The following PCDHGB5 variants were observed in gnomAD, a reference collection of about 807,000 sequenced individuals.
The protein encoded by PCDHGB5 is protocadherin gamma-B5.
Under a neutral mutation model 62.9 loss-of-function variants are expected in PCDHGB5, and 48 were observed. The observed-to-expected ratio is 0.76, with a 90% CI of 0.61 to 0.97. The LOEUF is 0.97. Among genes scored for constraint, PCDHGB5 ranks in the 50% least tolerant of loss-of-function variants. The pLI is 0.00. For synonymous variants in PCDHGB5, 474 were observed against 511.2 expected (o/e 0.93, Z 0.98); for missense variants, 1,118 against 1,198.6 (o/e 0.93, Z 0.99).
Position 141,412,979 on chromosome 5 carries a change from C to G in PCDHGB5, c.2397+12455C>G, listed in dbSNP as rs2154544283. ...CACCTACTAGGAGAGAAAACGCAGCCAGAGCTCAATCCGGATTCTCAGGGC... is the reference window on the plus strand; with the variant it reads ...CACCTACTAGGAGAGAAAACGCAGCGAGAGCTCAATCCGGATTCTCAGGGC... On this transcript the variant is annotated intron_variant, in intron 1 of 3. Coordinates refer to ENST00000617380, the MANE Select transcript of PCDHGB5 (RefSeq NM_018925.3). 5.5e-6 allele frequency: 3 copies of G among 542,930 alleles called. No individual in the cohort carries two copies. In the East Asian group the frequency reaches 9.2e-5, roughly 17 times the overall value. 33.6% of individuals were successfully genotyped at this position (542,930 alleles called of 1,614,324 possible). A position where few individuals can be genotyped will look rare whatever the true frequency, so the allele number is the denominator to read the frequency against.
chr5:141,494,818 C>T lies in PCDHGB5; in HGVS notation c.2409C>T (p.Pro803=). The part of the protein sequence containing the change: ...STSHPELQAP[P]NTDWRFSQAQ... ...TGTTTTCTCCACAGCAAGCCCCGCCCAACACGGACTGGCGTTTCTCTCAGG... is the reference window on the plus strand; with the variant it reads ...TGTTTTCTCCACAGCAAGCCCCGCCTAACACGGACTGGCGTTTCTCTCAGG... Residue 803 remains proline (P), a synonymous_variant, in exon 2 of 4, where the codon CCC becomes CCT. Transcript: ENST00000617380. 1.9e-6 allele frequency: 3 copies of T among 1,614,152 alleles called. No homozygotes were observed. The highest frequency in any genetic ancestry group is 2.2e-5 in the South Asian group (2 of 91,074).
chr5:141,487,323 G>A lies in PCDHGB5; in HGVS notation c.2398-7484G>A, dbSNP rs374901235. Reference sequence around the variant, plus strand: ...GTGGCACTACTCTCTAAGTGTCTTCGTGGGGCAGCCTGTGGAGTCACATGC... The same window carrying A: ...GTGGCACTACTCTCTAAGTGTCTTCATGGGGCAGCCTGTGGAGTCACATGC... On this transcript the variant is annotated intron_variant, in intron 1 of 3. Coordinates refer to ENST00000617380, the MANE Select transcript of PCDHGB5 (RefSeq NM_018925.3). The surrounding 1 kb of genome is among the most constrained non-coding windows in gnomAD (Gnocchi z 5.0). 4.0e-5 allele frequency: 65 copies of A among 1,613,982 alleles called. No homozygotes were observed. Among genetic ancestry groups the A allele is most frequent in the Non-Finnish European group, 4.7e-5 (56 of 1,180,012 alleles).
rs574278907 is a variant in PCDHGB5 at position 141,400,099 on chromosome 5, T to G, written c.1972T>G (p.Leu658Val). 6.2e-7 allele frequency: 1 copy of G among 1,614,072 alleles called. No individual in the cohort carries two copies. The highest frequency in any genetic ancestry group is 1.3e-5 in the African/African-American group (1 of 75,066). The change falls in exon 1 of 4, where the codon TTG becomes GTG. Residue 658 changes from leucine to valine, a missense_variant. This residue lies in a region of PCDHGB5 where 1,034 missense variants were observed against 1,029.1 expected (regional missense o/e 1.00). Transcript: ENST00000617380. ...ACTCTCCGCCACCGCCACGCTGCAC[T>G]TGGTCTTTGCTGACAGCTTGCAGGA... ...PPLSATATLHLVFADSLQEVL... is the reference protein window; with the variant it reads ...PPLSATATLHVVFADSLQEVL...
Position 141,477,531 on chromosome 5 carries a change from C to G in PCDHGB5, c.2398-17276C>G. ...GTTTACATTGAAGAAAACAACCTCC[C>G]CGGGGCTCCAATACTAAACCTAAGT... On this transcript the variant is annotated intron_variant, in intron 1 of 3. Coordinates refer to ENST00000617380, the MANE Select transcript of PCDHGB5 (RefSeq NM_018925.3). This position sits in a 1 kb window ranked among gnomAD's most constrained non-coding sequence, Gnocchi z 4.9. The G allele has an allele frequency of 6.2e-7, 1 of 1,614,162 alleles. No homozygotes were observed. Among genetic ancestry groups the G allele is most frequent in the South Asian group, 1.1e-5 (1 of 91,086 alleles).
At chr5:141,423,744 A>G in intron 1 of PCDHGB5, 1 of 429,464 alleles carries the variant, frequency 2.3e-6, no homozygotes. Context: ...TGTTATGAAA[A>G]CTGTTTGGGG....
In PCDHGB5 at chr5:141,431,889, A is replaced by G; in HGVS notation, c.2397+31365A>G. 1 of 1,614,170 alleles carries G rather than the reference A, an allele frequency of 6.2e-7. No homozygotes were observed. The highest frequency in any genetic ancestry group is 2.2e-5 in the East Asian group (1 of 44,888). On this transcript the variant is annotated intron_variant, in intron 1 of 3. Transcript: ENST00000617380. The surrounding 1 kb of genome is among the most constrained non-coding windows in gnomAD (Gnocchi z 4.8). The stretch of plus-strand genomic sequence containing the variant: ...TTAAATGTAAATGACCAAGATTCTG[A>G]GGAAAACGGACAGGTGATCTGTTTC...
Position 141,511,380 on chromosome 5 carries a change from C to T in PCDHGB5, c.*207C>T, listed in dbSNP as rs896762148. 1.5e-5 allele frequency: 18 copies of T among 1,170,372 alleles called. No homozygotes were observed. The highest frequency in any genetic ancestry group is 3.0e-4 in the Middle Eastern group (1 of 3,384). 72.5% of individuals were successfully genotyped at this position (1,170,372 alleles called of 1,614,324 possible). ...GGGGTTGAATATGCAAAAGCAGTTC[C>T]GCTGGGAACCCCCATCCAATCAACT... is the stretch of plus-strand genomic sequence containing the variant. On this transcript the variant is annotated 3_prime_UTR_variant, in exon 4 of 4. Coordinates refer to ENST00000617380, the MANE Select transcript of PCDHGB5 (RefSeq NM_018925.3).
chr5:141,400,117 T>C lies in PCDHGB5; in HGVS notation c.1990T>C (p.Leu664=), dbSNP rs2093964744. 1.2e-6 allele frequency: 2 copies of C among 1,614,050 alleles called. No individual in the cohort carries two copies. The highest frequency in any genetic ancestry group is 1.7e-6 in the Non-Finnish European group (2 of 1,179,888). Residue 664 remains leucine (L), a synonymous_variant, in exon 1 of 4, where the codon TTG becomes CTG. Transcript: ENST00000617380. ...GCTGCACTTGGTCTTTGCTGACAGCTTGCAGGAGGTGCTGCCGGATATCAC... is the reference window on the plus strand; with the variant it reads ...GCTGCACTTGGTCTTTGCTGACAGCCTGCAGGAGGTGCTGCCGGATATCAC... ...ATLHLVFADS[L]QEVLPDITDR...
rs918358571 is a variant in PCDHGB5, at chr5:141,399,927, G to A, written c.1800G>A (p.Leu600=). The A allele has an allele frequency of 4.3e-6, 7 of 1,612,226 alleles. No homozygotes were observed. Among genetic ancestry groups the A allele is most frequent in the Non-Finnish European group, 5.1e-6 (6 of 1,179,748 alleles). The change falls in exon 1 of 4, where the codon CTG becomes CTA. Residue 600 remains leucine, a synonymous_variant. Transcript: ENST00000617380. ...CAGACTCAGGACACAACGCCTGGCTGTCCTACCACGTGCTGCAGGCTAGCG... is the reference window on the plus strand; with the variant it reads ...CAGACTCAGGACACAACGCCTGGCTATCCTACCACGTGCTGCAGGCTAGCG... ...VDADSGHNAW[L]SYHVLQASEP...
Position 141,485,625 on chromosome 5 carries a change from G to T in PCDHGB5, c.2398-9182G>T. 6.2e-7 allele frequency: 1 copy of T among 1,611,968 alleles called. No individual in the cohort carries two copies. On this transcript the variant is annotated intron_variant, in intron 1 of 3. Transcript: ENST00000617380. This position sits in a 1 kb window ranked among gnomAD's most constrained non-coding sequence, Gnocchi z 5.7. ...GGGGAGGCAGCTCCTCCAGGACAGC[G>T]TTTCCCGTTGGAAAAGGCTCAGGAT...
rs775055352 is a variant in PCDHGB5, at chr5:141,398,766, T to C, written c.639T>C (p.Thr213=). 10 of 1,613,844 alleles carry C rather than the reference T, an allele frequency of 6.2e-6. No individual in the cohort carries two copies. Among genetic ancestry groups the C allele is most frequent in the Non-Finnish European group, 7.6e-6 (9 of 1,179,908 alleles). Residue 213 remains threonine (T), a synonymous_variant, in exon 1 of 4, where the codon ACT becomes ACC. Coordinates refer to ENST00000617380, the MANE Select transcript of PCDHGB5 (RefSeq NM_018925.3). ...EQQSYHRLVL[T]ALDGGHPPLS... is the part of the protein sequence containing the mutation. ...AGAGTTACCATCGTTTAGTCCTGAC[T>C]GCCTTGGACGGTGGACATCCACCCC...
At chr5:141,462,152 G>C (rs1336635196) in intron 1 of PCDHGB5, among the ~76,000 whole-genome samples, 6 of 152,034 alleles carry the variant, frequency 3.9e-5, no homozygotes, top group African/African-American at 7.2e-5. Flanking sequence ...TAGAGATGGG[G>C]TTTCATCATG....
intron 3 of PCDHGB5, among the ~76,000 whole-genome samples, chr5:141,507,891 C>A (rs1031803854): frequency 6.6e-6 from 1 of 152,208 alleles, no homozygotes; most frequent in African/African-American, 2.4e-5. Flanking sequence ...AGAGAGGTTC[C>A]TGAAGTCCAG....
In PCDHGB5 at chr5:141,432,293, G is replaced by C. The variant is rs765631138; in HGVS notation, c.2397+31769G>C. Reference sequence around the variant, plus strand: ...CTACGTGTCCATCAACTCCGACACTGGGGTACTGTATGCGCTGAGCTCCTT... The same window carrying C: ...CTACGTGTCCATCAACTCCGACACTCGGGTACTGTATGCGCTGAGCTCCTT... On this transcript the variant is annotated intron_variant, in intron 1 of 3. Coordinates refer to ENST00000617380, the MANE Select transcript of PCDHGB5 (RefSeq NM_018925.3). This position sits in a 1 kb window ranked among gnomAD's most constrained non-coding sequence, Gnocchi z 6.0. 6.2e-7 allele frequency: 1 copy of C among 1,614,254 alleles called. No individual in the cohort carries two copies.
chr5:141,408,937 C>T (rs2095198483), intron 1 of PCDHGB5: 5 of 1,613,344 alleles, frequency 3.1e-6, no homozygotes, highest in African/African-American at 1.3e-5. Flanking sequence ...TCAGCAGAGA[C>T]GAATATAGAA....
Position 141,486,929 on chromosome 5 carries a change from G to A in PCDHGB5, c.2398-7878G>A. 2.5e-6 allele frequency: 4 copies of A among 1,614,226 alleles called. No individual in the cohort carries two copies. Among genetic ancestry groups the A allele is most frequent in the Non-Finnish European group, 2.5e-6 (3 of 1,180,038 alleles). ...CCAAGCACTGCCTCCATCAGTTGGT[G>A]CTGGCCACCTAATCACAAAGGTGAC... On this transcript the variant is annotated intron_variant, in intron 1 of 3. Transcript: ENST00000617380. This position sits in a 1 kb window ranked among gnomAD's most constrained non-coding sequence, Gnocchi z 5.0.
Position 141,450,631 on chromosome 5 carries a change from T to C in PCDHGB5, c.2398-44176T>C, listed in dbSNP as rs554043866. 6.1e-5 allele frequency among the ~76,000 whole-genome samples: 9 copies of C among 148,320 alleles called. No homozygotes were observed. In the East Asian group the frequency reaches 1.9e-3, roughly 31 times the overall value. Reference sequence around the variant, plus strand: ...CCTCCTGAGTAGCTGGGATTACAGATGCCTGCCACCATGCCTGGCTAATTT... The same window carrying C: ...CCTCCTGAGTAGCTGGGATTACAGACGCCTGCCACCATGCCTGGCTAATTT... On this transcript the variant is annotated intron_variant, in intron 1 of 3. Transcript: ENST00000617380.
At chr5:141,408,927 T>C (rs1220361067) in intron 1 of PCDHGB5, 5 of 1,613,512 alleles carry the variant, frequency 3.1e-6, no homozygotes, top group African/African-American at 1.3e-5. Context: ...CCCCCGGTTT[T>C]CAGCAGAGAC....
chr5:141,401,654 G>T (rs566223613), intron 1 of PCDHGB5, among the ~76,000 whole-genome samples: 52 of 152,328 alleles, frequency 3.4e-4, no homozygotes, highest in Middle Eastern at 3.4e-3. Flanking sequence ...TAAATGACTG[G>T]ATGTTTTCTC....
Sources: gnomAD v4.1 joint callset for allele counts (sites outside exome capture counted in the v4.1 genomes callset) on GRCh38, gnomAD v4.1.1 for gene constraint, gnomAD v4.1.1 regional missense constraint, Gnocchi (gnomAD v3.1) non-coding constraint, MANE v1.5 for transcripts, NCBI Gene and HGNC (gene_info 2026-07-23, HGNC 2026-07-21) for gene names.